CSMD1: variants seen among roughly 807,000 people sequenced by gnomAD.
The protein encoded by CSMD1 is CUB and sushi domain-containing protein 1.
A neutral mutation model predicts 417.5 loss-of-function variants in CSMD1; 213 were observed. That is an observed-to-expected ratio of 0.51 (90% CI 0.46 to 0.57). The LOEUF (loss-of-function observed/expected upper bound fraction) is 0.57, where lower values mean the gene tolerates loss of function less well. Ranked by LOEUF, CSMD1 falls within the 20% of genes least tolerant of loss-of-function variation. The pLI is 0.00. For synonymous variants in CSMD1, 2,862 were observed against 1,736.8 expected, an observed-to-expected ratio of 1.65 and a Z score of -16.11; for missense variants, 6,923 against 4,529.7, an observed-to-expected ratio of 1.53 and a Z score of -15.17.
chr8:3,787,327 T>C (rs1186049425), intron 5 of CSMD1, among the ~76,000 whole-genome samples: 3 of 152,170 alleles, frequency 2.0e-5, no homozygotes, highest in African/African-American at 2.4e-5. Context: ...TGGAAAGCTA[T>C]AGAGAAAACA....
chr8:3,384,873 TTA>T (rs1303013396), intron 18 of CSMD1, among the ~76,000 whole-genome samples: 1 of 122,022 alleles, frequency 8.2e-6, no homozygotes, highest in Non-Finnish European at 1.6e-5. Context: ...TAAATATATA[TTA>T]TATATGCAAA....
intron 12 of CSMD1, among the ~76,000 whole-genome samples, chr8:3,412,921 T>C (rs564042930): frequency 7.2e-4 from 109 of 152,248 alleles, no homozygotes; most frequent in Admixed American, 2.0e-3. Context: ...GGGCTCTCCA[T>C]TGGGAAGCTG....
chr8:4,154,264 T>C (rs924654069), intron 3 of CSMD1, among the ~76,000 whole-genome samples: 73 of 143,490 alleles, frequency 5.1e-4, no homozygotes, highest in Admixed American at 9.8e-4. Flanking sequence ...CAAACAGTAA[T>C]GCTAAAAAAT....
chr8:4,482,968 T>A (rs1202693331), intron 2 of CSMD1, among the ~76,000 whole-genome samples: 1 of 152,008 alleles, frequency 6.6e-6, no homozygotes, highest in Non-Finnish European at 1.5e-5. Flanking sequence ...AAAATGAAAA[T>A]AGAGTAATGG....
intron 5 of CSMD1, among the ~76,000 whole-genome samples, chr8:3,918,954 CAAAATCTCA>C (rs1809026397): frequency 1.3e-5 from 2 of 151,872 alleles, no homozygotes; most frequent in Non-Finnish European, 2.9e-5. Context: ...ATGGGTACAT[CAAAATCTCA>C]CAAATCACCA....
chr8:4,601,880 G>T (rs1800607304), intron 2 of CSMD1, among the ~76,000 whole-genome samples: 1 of 152,154 alleles, frequency 6.6e-6, no homozygotes, highest in African/African-American at 2.4e-5. Context: ...GTGGAGCAGG[G>T]CACAGCCTGG....
intron 1 of CSMD1, among the ~76,000 whole-genome samples, chr8:4,664,881 A>C (rs1804817717): frequency 6.6e-6 from 1 of 152,184 alleles, no homozygotes; most frequent in South Asian, 2.1e-4. Context: ...ATGTATATAT[A>C]TTACTTCTTT....
intron 1 of CSMD1, among the ~76,000 whole-genome samples, chr8:4,832,605 A>C (rs1003176398): frequency 6.6e-6 from 1 of 152,234 alleles, no homozygotes; most frequent in Non-Finnish European, 1.5e-5. Flanking sequence ...ACTAGCTGAC[A>C]CTTAGGGATT....
At chr8:4,668,076 CT>C (rs774394024) in intron 1 of CSMD1, among the ~76,000 whole-genome samples, 17 of 152,246 alleles carry the variant, frequency 1.1e-4, no homozygotes, top group Middle Eastern at 3.4e-3. Context: ...TTAATTTGAC[CT>C]AATCTTATTC....
Position 3,985,574 on chromosome 8 carries a change from G to C in CSMD1, c.818+12329C>G, listed in dbSNP as rs1015338334. Among the ~76,000 whole-genome samples, 3 of 152,076 alleles carry C rather than the reference G, an allele frequency of 2.0e-5. No homozygotes were observed. In the South Asian group the frequency reaches 6.2e-4, roughly 32 times the overall value. ...ATTGCTCTACTATGGAATAATAACA[G>C]TTTCACTTTATTTGAAGGGGCGCCA... On this transcript the variant is annotated intron_variant, in intron 5 of 69. Transcript: ENST00000635120.
chr8:4,518,845 G>C (rs943179573), intron 2 of CSMD1, among the ~76,000 whole-genome samples: 1 of 151,844 alleles, frequency 6.6e-6, no homozygotes, highest in African/African-American at 2.4e-5. Flanking sequence ...GAGATTATTC[G>C]GCATGGTCTA....
At chr8:3,937,453 C>G (rs1810576186) in intron 5 of CSMD1, among the ~76,000 whole-genome samples, 1 of 152,122 alleles carries the variant, frequency 6.6e-6, no homozygotes, top group Admixed American at 6.6e-5. Context: ...CACTGATCAT[C>G]CATCAACATT....
At chr8:4,265,132 T>G (rs1804157994) in intron 3 of CSMD1, among the ~76,000 whole-genome samples, 1 of 152,172 alleles carries the variant, frequency 6.6e-6, no homozygotes, top group Non-Finnish European at 1.5e-5. Context: ...TCCTCTAACT[T>G]AATTTGACCT....
At chr8:3,503,789 AG>A (rs2117356403) in intron 10 of CSMD1, among the ~76,000 whole-genome samples, 1 of 151,954 alleles carries the variant, frequency 6.6e-6, no homozygotes, top group South Asian at 2.1e-4. Flanking sequence ...CCTAAAAAGC[AG>A]CCCCCCTCTT....
chr8:3,493,245 G>A (rs555388558), intron 11 of CSMD1, among the ~76,000 whole-genome samples: 28 of 137,308 alleles, frequency 2.0e-4, no homozygotes, highest in African/African-American at 7.6e-4. Context: ...AGTGAGCCGA[G>A]ATCTGACCAC....
intron 5 of CSMD1, among the ~76,000 whole-genome samples, chr8:3,953,532 G>C (rs1285028906): frequency 6.6e-6 from 1 of 152,106 alleles, no homozygotes; most frequent in Non-Finnish European, 1.5e-5. Flanking sequence ...ACATTGCCCT[G>C]AGTGGAGTTT....
At chr8:4,409,944 G>C (rs919760874) in intron 3 of CSMD1, among the ~76,000 whole-genome samples, 3 of 151,752 alleles carry the variant, frequency 2.0e-5, no homozygotes, top group South Asian at 2.1e-4. Flanking sequence ...TTCCCAAGTA[G>C]CTGGGATTAC....
intron 6 of CSMD1, among the ~76,000 whole-genome samples, chr8:3,747,845 G>A (rs554764313): frequency 1.3e-5 from 2 of 152,092 alleles, no homozygotes; most frequent in East Asian, 3.9e-4. Context: ...CAAGCTGTTT[G>A]TTTTAGTTGC....
At chr8:4,303,849 G>A (rs986308059) in intron 3 of CSMD1, among the ~76,000 whole-genome samples, 1 of 151,908 alleles carries the variant, frequency 6.6e-6, no homozygotes, top group Non-Finnish European at 1.5e-5. Context: ...TAGAGACAGG[G>A]TTTCACTATG....
Sources: allele counts gnomAD v4.1 joint callset (sites outside exome capture counted in the v4.1 genomes callset), GRCh38; gene constraint gnomAD v4.1.1; transcripts MANE v1.5; gene names NCBI Gene and HGNC (gene_info 2026-07-23, HGNC 2026-07-21).